The following LAMA2 variants were observed in gnomAD, a reference collection of about 807,000 sequenced individuals.
The protein encoded by LAMA2 is laminin subunit alpha 2, also known as laminin subunit alpha-2.
In LAMA2, 269 loss-of-function variants were observed where a neutral mutation model predicts 364.8. The observed-to-expected ratio is 0.74, with a 90% CI of 0.67 to 0.82. The LOEUF (loss-of-function observed/expected upper bound fraction) is 0.82. Among genes scored for constraint, LAMA2 ranks in the 40% least tolerant of loss-of-function variants. LAMA2 has a pLI of 0.00. For missense variants in LAMA2, 3,807 were observed against 3,873.2 expected, an observed-to-expected ratio of 0.98 and a Z score of 0.45; for synonymous variants, 1,379 against 1,370.6, an observed-to-expected ratio of 1.01 and a Z score of -0.14.
At chr6:129,333,726 A>T (rs1775788013) in intron 29 of LAMA2, among the ~76,000 whole-genome samples, 1 of 152,232 alleles carries the variant, frequency 6.6e-6, no homozygotes, top group African/African-American at 2.4e-5. Context: ...TTAAGCAAGA[A>T]TTAAATGTAT....
At chr6:129,448,277 T>G (rs1290152281) in intron 45 of LAMA2, among the ~76,000 whole-genome samples, 3 of 151,620 alleles carry the variant, frequency 2.0e-5, no homozygotes, top group African/African-American at 7.3e-5. Flanking sequence ...ATAGAAACCC[T>G]GTCCCCCCCC....
intron 10 of LAMA2, among the ~76,000 whole-genome samples, chr6:129,187,226 A>C (rs1781280629): frequency 6.6e-6 from 1 of 151,734 alleles, no homozygotes; most frequent in Non-Finnish European, 1.5e-5. Flanking sequence ...AATTTTGAAA[A>C]AACAATGATG....
intron 4 of LAMA2, among the ~76,000 whole-genome samples, chr6:129,130,833 T>A (rs1777429001): frequency 6.6e-6 from 1 of 152,208 alleles, no homozygotes; most frequent in Non-Finnish European, 1.5e-5. Flanking sequence ...GAGATTAATG[T>A]TAGCTTCTTG....
chr6:129,132,221 C>T (rs1702208679), intron 4 of LAMA2, among the ~76,000 whole-genome samples: 1 of 149,512 alleles, frequency 6.7e-6, no homozygotes, highest in South Asian at 2.1e-4. Flanking sequence ...GGCTGGAGTG[C>T]AGTGGCACAA....
chr6:128,903,320 C>T (rs774714971), intron 1 of LAMA2, among the ~76,000 whole-genome samples: 3 of 152,112 alleles, frequency 2.0e-5, no homozygotes, highest in Non-Finnish European at 2.9e-5. Context: ...GTTCCAGAAT[C>T]GTTGACATTT....
chr6:128,931,094 T>C (rs984542309), intron 1 of LAMA2, among the ~76,000 whole-genome samples: 2 of 152,186 alleles, frequency 1.3e-5, no homozygotes, highest in African/African-American at 4.8e-5. Flanking sequence ...CAATTACTTA[T>C]AAGTAAGCCA....
rs770213087 is a variant in LAMA2 at position 129,516,451 on chromosome 6, T to A, written c.*104T>A. On this transcript the variant is annotated 3_prime_UTR_variant, in exon 65 of 65. Coordinates refer to ENST00000421865, the MANE Select transcript of LAMA2 (RefSeq NM_000426.4). ...TATGTTAATTAAACTAATTTGTGCATGTACATAGAATTCTTTCTGTATTCA... is the reference window on the plus strand; with the variant it reads ...TATGTTAATTAAACTAATTTGTGCAAGTACATAGAATTCTTTCTGTATTCA... 4 of 1,172,446 alleles carry A rather than the reference T, an allele frequency of 3.4e-6. No individual in the cohort carries two copies. In the South Asian group the frequency reaches 3.9e-5, roughly 12 times the overall value. 72.6% of individuals were successfully genotyped at this position (1,172,446 alleles called of 1,614,324 possible). A position where few individuals can be genotyped will look rare whatever the true frequency, so the allele number is the denominator to read the frequency against.
Position 129,353,335 on chromosome 6 carries a change from A to G in LAMA2, c.4695A>G (p.Ala1565=). 2 of 1,613,982 alleles carry G rather than the reference A, an allele frequency of 1.2e-6. No homozygotes were observed. Among genetic ancestry groups the G allele is most frequent in the Non-Finnish European group, 1.7e-6 (2 of 1,179,944 alleles). ...RKCDGCKHWH[A]REGWECVFCG... ...GTGACGGCTGCAAGCACTGGCATGC[A>G]CGCGAGGGCTGGGAGTGTGTTTGTA... The change falls in exon 32 of 65, where the codon GCA becomes GCG. Residue 1565 remains alanine (A), a synonymous_variant. Transcript: ENST00000421865.
At chr6:128,941,866 A>G (rs374244576) in intron 1 of LAMA2, among the ~76,000 whole-genome samples, 6 of 152,196 alleles carry the variant, frequency 3.9e-5, no homozygotes, top group South Asian at 4.1e-4. Context: ...TGAGACCTCA[A>G]TAATAGACCT....
intron 9 of LAMA2, among the ~76,000 whole-genome samples, chr6:129,175,684 C>T (rs1181088350): frequency 1.3e-5 from 2 of 152,104 alleles, no homozygotes; most frequent in Non-Finnish European, 1.5e-5. Flanking sequence ...CATGCCAGGG[C>T]CTGTCAGTGG....
chr6:129,187,024 T>C (rs192062242), intron 10 of LAMA2, among the ~76,000 whole-genome samples: 1 of 151,970 alleles, frequency 6.6e-6, no homozygotes, highest in Non-Finnish European at 1.5e-5. Flanking sequence ...TTATTAATAA[T>C]TTGATATTGA....
At chr6:129,087,191 TTACTC>T (rs1054410340) in intron 3 of LAMA2, among the ~76,000 whole-genome samples, 2 of 152,188 alleles carry the variant, frequency 1.3e-5, no homozygotes, top group Non-Finnish European at 2.9e-5. Context: ...GGACCACTGT[TTACTC>T]TACCATAACT....
intron 21 of LAMA2, among the ~76,000 whole-genome samples, chr6:129,298,389 G>A (rs1392415857): frequency 6.6e-6 from 1 of 151,940 alleles, no homozygotes; most frequent in Non-Finnish European, 1.5e-5. Flanking sequence ...TAGATATTTA[G>A]TTCATCAAAA....
intron 1 of LAMA2, among the ~76,000 whole-genome samples, chr6:128,968,380 C>A (rs182622971): frequency 2.0e-5 from 3 of 152,124 alleles, no homozygotes; most frequent in Admixed American, 2.0e-4. Flanking sequence ...TAAACAAGTC[C>A]CCATTCTTAT....
At chr6:129,225,640 C>T (rs536051609) in intron 12 of LAMA2, among the ~76,000 whole-genome samples, 12 of 152,056 alleles carry the variant, frequency 7.9e-5, no homozygotes, top group South Asian at 2.1e-4. Context: ...GTAGTTGAGC[C>T]GTTTTCAGTG....
chr6:129,437,700 T>C (rs1483373864), intron 41 of LAMA2, among the ~76,000 whole-genome samples: 1 of 152,070 alleles, frequency 6.6e-6, no homozygotes, highest in African/African-American at 2.4e-5. Context: ...GTTTTTTCAA[T>C]TTGAATTTTC....
intron 4 of LAMA2, among the ~76,000 whole-genome samples, chr6:129,126,010 C>T (rs1777097117): frequency 6.6e-6 from 1 of 152,068 alleles, no homozygotes; most frequent in Admixed American, 6.6e-5. Context: ...AAACCTACAC[C>T]ATAAATTATA....
chr6:129,177,086 A>C (rs927405017), intron 9 of LAMA2, among the ~76,000 whole-genome samples: 2 of 152,164 alleles, frequency 1.3e-5, no homozygotes, highest in Non-Finnish European at 2.9e-5. Flanking sequence ...TTTTTAATCA[A>C]AGACATGAAT....
At chr6:129,146,441 C>T (rs565926308) in intron 5 of LAMA2, among the ~76,000 whole-genome samples, 2 of 151,890 alleles carry the variant, frequency 1.3e-5, no homozygotes, top group Non-Finnish European at 2.9e-5. Context: ...AATAAACTTA[C>T]AGTTAATGAC....
Sources: gnomAD v4.1 joint callset for allele counts (sites outside exome capture counted in the v4.1 genomes callset) on GRCh38, gnomAD v4.1.1 for gene constraint, MANE v1.5 for transcripts, NCBI Gene and HGNC (gene_info 2026-07-23, HGNC 2026-07-21) for gene names.